The following MPPED1 variants were observed in gnomAD, a reference collection of about 807,000 sequenced individuals.
The protein encoded by MPPED1 is metallophosphoesterase domain-containing protein 1.
In MPPED1, 16 loss-of-function variants were observed where a neutral mutation model predicts 36.2. The observed-to-expected ratio is 0.44, with a 90% CI of 0.30 to 0.67. MPPED1 has a LOEUF of 0.67. Ranked by LOEUF, MPPED1 falls within the 30% of genes least tolerant of loss-of-function variation. The pLI, the probability that MPPED1 is intolerant of heterozygous loss-of-function variation, is 0.10. For synonymous variants in MPPED1, 199 were observed against 191.3 expected, an observed-to-expected ratio of 1.04 and a Z score of -0.33; for missense variants, 307 against 453.4, an observed-to-expected ratio of 0.68 and a Z score of 2.93.
intron 5 of MPPED1, among the ~76,000 whole-genome samples, chr22:43,499,562 G>A (rs1932560415): frequency 1.4e-5 from 2 of 142,026 alleles, no homozygotes; most frequent in African/African-American, 2.7e-5. Context: ...TGGTGGAGGT[G>A]GTGGTGGTGG....
chr22:43,484,102 G>A (rs907313938), intron 4 of MPPED1, among the ~76,000 whole-genome samples: 1 of 152,288 alleles, frequency 6.6e-6, no homozygotes. Flanking sequence ...TTCACCTGGT[G>A]CAGTGCTGCT....
chr22:43,484,378 G>C (rs1931845825), intron 4 of MPPED1, among the ~76,000 whole-genome samples: 1 of 152,214 alleles, frequency 6.6e-6, no homozygotes, highest in South Asian at 2.1e-4. Flanking sequence ...GGCAGCCCCG[G>C]GTCTGGCTCA....
Position 43,495,497 on chromosome 22 carries a change from G to GTGGAAGTGCTGGTGA in MPPED1, c.633-2735_633-2734insAAGTGCTGGTGATGG, listed in dbSNP as rs1932258456. 1.4e-4 allele frequency among the ~76,000 whole-genome samples: 3 copies of GTGGAAGTGCTGGTGA among 20,910 alleles called. 1 individual carries two copies. Among genetic ancestry groups the GTGGAAGTGCTGGTGA allele is most frequent in the Non-Finnish European group, 2.3e-4 (3 of 13,222 alleles). 13.7% of individuals were successfully genotyped at this position (20,910 alleles called of 152,430 possible). A position where few individuals can be genotyped will look rare whatever the true frequency, so the allele number is the denominator to read the frequency against. On this transcript the variant is annotated intron_variant, in intron 4 of 6. Coordinates refer to ENST00000443721, the MANE Select transcript of MPPED1 (RefSeq NM_001044370.2). ...GGTGGAGGTGGTGGTGGAGGTAGTG[G>GTGGAAGTGCTGGTGA]TGGTGGAGGTGGTGGTGGTGGTGGA...
At chr22:43,472,733 G>A (rs913900045) in intron 3 of MPPED1, among the ~76,000 whole-genome samples, 1 of 152,162 alleles carries the variant, frequency 6.6e-6, no homozygotes, top group Non-Finnish European at 1.5e-5. Flanking sequence ...TTACCGCCCT[G>A]GCCCACCCTC....
At chr22:43,466,985 G>A (rs993981235) in intron 3 of MPPED1, among the ~76,000 whole-genome samples, 2 of 152,174 alleles carry the variant, frequency 1.3e-5, no homozygotes, top group African/African-American at 4.8e-5. Flanking sequence ...GTGTCCATGT[G>A]TCTTATCAAA....
intron 3 of MPPED1, among the ~76,000 whole-genome samples, chr22:43,437,656 C>G (rs1231121745): frequency 6.6e-6 from 1 of 152,194 alleles, no homozygotes; most frequent in Non-Finnish European, 1.5e-5. Flanking sequence ...AGCCACGTGG[C>G]CCCTCTGGGC....
intron 3 of MPPED1, among the ~76,000 whole-genome samples, chr22:43,439,864 G>A (rs1023502987): frequency 3.9e-5 from 6 of 152,196 alleles, no homozygotes; most frequent in Admixed American, 3.9e-4. Flanking sequence ...CTGGTCCGGG[G>A]CCCACGCTCC....
At chr22:43,444,331 G>A (rs1930259320) in intron 3 of MPPED1, among the ~76,000 whole-genome samples, 3 of 135,218 alleles carry the variant, frequency 2.2e-5, no homozygotes, top group African/African-American at 8.5e-5. Flanking sequence ...TATCAAACAT[G>A]TTATGCAGTG....
intron 4 of MPPED1, among the ~76,000 whole-genome samples, chr22:43,477,515 GTGTC>G (rs1026770031): frequency 1.3e-5 from 2 of 152,236 alleles, no homozygotes; most frequent in African/African-American, 4.8e-5. Context: ...CCAGCAGAGA[GTGTC>G]TGGGAAACCC....
chr22:43,466,761 A>G (rs1931186970), intron 3 of MPPED1, among the ~76,000 whole-genome samples: 1 of 152,174 alleles, frequency 6.6e-6, no homozygotes, highest in African/African-American at 2.4e-5. Flanking sequence ...AGAACCTGCC[A>G]GAATTATTCG....
intron 4 of MPPED1, among the ~76,000 whole-genome samples, chr22:43,484,510 G>C (rs545373519): frequency 6.8e-4 from 103 of 152,332 alleles, no homozygotes; most frequent in Middle Eastern, 3.4e-3. Context: ...TGGGCTTCTG[G>C]ATCCCTGTCC....
intron 1 of MPPED1, among the ~76,000 whole-genome samples, chr22:43,423,746 C>T (rs891283250): frequency 2.0e-5 from 3 of 152,270 alleles, no homozygotes; most frequent in Admixed American, 6.5e-5. Flanking sequence ...GATTTTTCTT[C>T]ATTTAATGTG....
chr22:43,456,001 T>A (rs911133349), intron 3 of MPPED1, among the ~76,000 whole-genome samples: 1 of 152,206 alleles, frequency 6.6e-6, no homozygotes, highest in Non-Finnish European at 1.5e-5. Flanking sequence ...AAACAGGGAA[T>A]CCTTCCTTGC....
At position 43,505,796 on chromosome 22, in the gene MPPED1, C is replaced by G; in HGVS notation, c.*180C>G. On this transcript the variant is annotated 3_prime_UTR_variant, in exon 7 of 7. Transcript: ENST00000443721. ...TCTGTCACCTGGAGTTGGGACCCTGCGCATCCCCATCAGGGGTTCTGTGCT... is the reference window on the plus strand; with the variant it reads ...TCTGTCACCTGGAGTTGGGACCCTGGGCATCCCCATCAGGGGTTCTGTGCT... The G allele has an allele frequency of 5.1e-6, 3 of 584,596 alleles. No homozygotes were observed. Among genetic ancestry groups the G allele is most frequent in the Non-Finnish European group, 6.1e-6 (2 of 326,682 alleles). The allele number at this position is 584,596 out of a possible 1,614,324, so 36.2% of individuals were successfully genotyped here.
chr22:43,475,293 C>G (rs1931509018), intron 4 of MPPED1, among the ~76,000 whole-genome samples: 1 of 152,008 alleles, frequency 6.6e-6, no homozygotes, highest in South Asian at 2.1e-4. Context: ...GGTCACACAG[C>G]TAGGAAGGGG....
At chr22:43,488,510 T>A (rs1371333747) in intron 4 of MPPED1, among the ~76,000 whole-genome samples, 1 of 152,178 alleles carries the variant, frequency 6.6e-6, no homozygotes, top group African/African-American at 2.4e-5. Flanking sequence ...AGGAGGTCAT[T>A]TATATTGGCT....
Position 43,502,730 on chromosome 22 carries a change from T to A in MPPED1, c.835T>A (p.Leu279Ile). 1.9e-6 allele frequency: 3 copies of A among 1,613,188 alleles called. No individual in the cohort carries two copies. Among genetic ancestry groups the A allele is most frequent in the South Asian group, 1.1e-5 (1 of 91,068 alleles). The change falls in exon 6 of 7, where the codon TTA becomes ATA. Residue 279 changes from leucine (L) to isoleucine (I), a missense_variant. By Grantham distance (5) the Leu-to-Ile change is conservative. Around this residue, in one of 3 missense-constraint regions of MPPED1, gnomAD observed 132 missense variants for 212.3 expected, o/e 0.62. Coordinates refer to ENST00000443721, the MANE Select transcript of MPPED1 (RefSeq NM_001044370.2). This position sits in a 1 kb window ranked among gnomAD's most constrained non-coding sequence, Gnocchi z 5.5. The part of the protein sequence containing the change: ...NTVQRRVQPR[L>I]HVFGHIHEGY... ...GGTGCAGAGGCGCGTCCAGCCGCGGTTACATGTCTTTGGCCACATCCACGA... is the reference window on the plus strand; with the variant it reads ...GGTGCAGAGGCGCGTCCAGCCGCGGATACATGTCTTTGGCCACATCCACGA...
rs532944864 is a variant in MPPED1 at position 43,469,134 on chromosome 22, G to A, written c.407-5602G>A. ...CTGCTTGGAGAACAGCTACTTTCCC[G>A]GGGTTCAGGTACTTCCTGTGGCTTC... On this transcript the variant is annotated intron_variant, in intron 3 of 6. Coordinates refer to ENST00000443721, the MANE Select transcript of MPPED1 (RefSeq NM_001044370.2). Among the ~76,000 whole-genome samples the A allele has an allele frequency of 7.9e-5, 12 of 152,206 alleles. 1 individual carries two copies. In the South Asian group the frequency reaches 1.5e-3, roughly 18 times the overall value.
intron 4 of MPPED1, among the ~76,000 whole-genome samples, chr22:43,485,360 T>G (rs1931879876): frequency 2.0e-5 from 3 of 151,738 alleles, no homozygotes; most frequent in Admixed American, 6.6e-5. Context: ...ACACACACAT[T>G]CATACACATA....
Sources: allele counts gnomAD v4.1 joint callset (sites outside exome capture counted in the v4.1 genomes callset), GRCh38; gene constraint gnomAD v4.1.1; regional missense constraint gnomAD v4.1.1; non-coding constraint Gnocchi (gnomAD v3.1); transcripts MANE v1.5; gene names NCBI Gene and HGNC (gene_info 2026-07-23, HGNC 2026-07-21).